The following GCC2 variants were observed in gnomAD, a reference collection of about 807,000 sequenced individuals.
GCC2 encodes GRIP and coiled-coil domain-containing protein 2.
GCC2 carries 120 observed loss-of-function variants against 210.6 expected under a neutral mutation model. The observed-to-expected ratio is 0.57, with a 90% CI of 0.49 to 0.66. The LOEUF (loss-of-function observed/expected upper bound fraction) is 0.66, where lower values mean the gene tolerates loss of function less well. GCC2 is among the 30% of genes least tolerant of loss of function. The pLI, the probability that GCC2 is intolerant of heterozygous loss-of-function variation, is 0.00. For missense variants in GCC2, 1,868 were observed against 1,871.9 expected (o/e 1.00, Z 0.04); for synonymous variants, 703 against 652.7 (o/e 1.08, Z -1.17).
intron 9 of GCC2, among the ~76,000 whole-genome samples, chr2:108,477,301 A>G (rs561268286): frequency 1.9e-4 from 29 of 152,300 alleles, no homozygotes; most frequent in Non-Finnish European, 3.8e-4. Context: ...CATAACAACA[A>G]ACAGGTGCCA....
intron 4 of GCC2, among the ~76,000 whole-genome samples, chr2:108,453,504 G>A (rs1305708820): frequency 6.6e-6 from 1 of 152,118 alleles, no homozygotes; most frequent in Non-Finnish European, 1.5e-5. Flanking sequence ...TGAGTTGCAG[G>A]CCAAATGCAG....
intron 9 of GCC2, among the ~76,000 whole-genome samples, chr2:108,478,554 AATT>A (rs1681663204): frequency 6.6e-6 from 1 of 152,222 alleles, no homozygotes; most frequent in Non-Finnish European, 1.5e-5. Context: ...AATAATTTGT[AATT>A]ATTCAGATGT....
At chr2:108,465,966 C>G (rs1319820558) in intron 4 of GCC2, among the ~76,000 whole-genome samples, 4 of 152,286 alleles carry the variant, frequency 2.6e-5, no homozygotes, top group African/African-American at 7.2e-5. Context: ...GCTGTTCTCC[C>G]TCAGTCTCCT....
chr2:108,496,993 T>C lies in GCC2; in HGVS notation c.4666T>C (p.Phe1556Leu). 1 of 1,612,026 alleles carries C rather than the reference T, an allele frequency of 6.2e-7. No individual in the cohort carries two copies. ...AGAGCCTCCATTATGGCATGCTGAA[T>C]TTACCAAAGAAGAATTGGTTCAGAA... ...KLEPPLWHAE[F>L]TKEELVQKLS... is the part of the protein sequence containing the mutation. Residue 1556 changes from phenylalanine to leucine, a missense_variant, in exon 21 of 23, where the codon TTT (phenylalanine) becomes CTT (leucine). Phe to Leu is a conservative substitution (Grantham distance 22). Around this residue, in one of 3 missense-constraint regions of GCC2, gnomAD observed 1,847 missense variants for 1,765.2 expected, o/e 1.05. Coordinates refer to ENST00000309863, the MANE Select transcript of GCC2 (RefSeq NM_181453.4).
chr2:108,459,952 A>G (rs1319868188), intron 4 of GCC2, among the ~76,000 whole-genome samples: 1 of 151,630 alleles, frequency 6.6e-6, no homozygotes, highest in Non-Finnish European at 1.5e-5. Context: ...TCCTGGGTTC[A>G]AGTGATCCTG....
intron 22 of GCC2, among the ~76,000 whole-genome samples, chr2:108,500,699 A>AT (rs1682879844): frequency 6.6e-6 from 1 of 152,308 alleles, no homozygotes; most frequent in East Asian, 1.9e-4. Context: ...AATTACTTTT[A>AT]TTTTTGACAT....
Position 108,470,951 on chromosome 2 carries a change from A to C in GCC2, c.1622A>C (p.Gln541Pro), listed in dbSNP as rs771325509. The change falls in exon 6 of 23, where the codon CAG (glutamine) becomes CCG (proline). Residue 541 changes from glutamine to proline, a missense_variant. By Grantham distance (76) the Gln-to-Pro change is moderately conservative. Coordinates refer to ENST00000309863, the MANE Select transcript of GCC2 (RefSeq NM_181453.4). ...CTTCTCGAAACTGTGAATCGCCTCC[A>C]GGGAGAAAATGAAAAGTTACTATCT... ...DALLETVNRL[Q>P]GENEKLLSQQ... The C allele has an allele frequency of 2.5e-6, 4 of 1,613,258 alleles. No homozygotes were observed. Among genetic ancestry groups the C allele is most frequent in the Non-Finnish European group, 3.4e-6 (4 of 1,179,474 alleles).
intron 9 of GCC2, among the ~76,000 whole-genome samples, chr2:108,476,614 GAA>G (rs2104464742): frequency 6.6e-6 from 1 of 152,206 alleles, no homozygotes; most frequent in Admixed American, 6.5e-5. Flanking sequence ...TTAGTAACAT[GAA>G]AATGTATTAT....
At chr2:108,459,669 G>A (rs34810244) in intron 4 of GCC2, among the ~76,000 whole-genome samples, 15,187 of 143,566 alleles carry the variant, frequency 0.11, 994 homozygotes, top group Middle Eastern at 0.18. Flanking sequence ...TCCAGTGTCA[G>A]GTTCATATAT....
At chr2:108,482,843 A>T (rs1681939743) in intron 11 of GCC2, among the ~76,000 whole-genome samples, 1 of 151,676 alleles carries the variant, frequency 6.6e-6, no homozygotes, top group Non-Finnish European at 1.5e-5. Flanking sequence ...TGCCCAGCTA[A>T]TTTTCCGTGT....
intron 4 of GCC2, among the ~76,000 whole-genome samples, chr2:108,457,545 G>T (rs2683801): frequency 6.6e-6 from 1 of 151,798 alleles, no homozygotes; most frequent in African/African-American, 2.4e-5. Context: ...TATTTTAATA[G>T]GGATTTCATT....
chr2:108,471,907 G>C lies in GCC2; in HGVS notation c.2578G>C (p.Asp860His). The C allele has an allele frequency of 6.2e-7, 1 of 1,601,890 alleles. No individual in the cohort carries two copies. Among genetic ancestry groups the C allele is most frequent in the Non-Finnish European group, 8.5e-7 (1 of 1,176,076 alleles). The part of the protein sequence containing the change: ...IQSEKEALQS[D>H]LLEMKNANEK... ...GTCAGAAAAAGAGGCCCTGCAGTCTGATCTTCTAGAAATGAAGAATGCTAA... is the reference window on the plus strand; with the variant it reads ...GTCAGAAAAAGAGGCCCTGCAGTCTCATCTTCTAGAAATGAAGAATGCTAA... The change falls in exon 6 of 23, where the codon GAT (aspartate) becomes CAT (histidine). Residue 860 changes from aspartate to histidine, a missense_variant. Physicochemically the swap from Asp to His is moderately conservative, Grantham distance 81. This residue lies in a region of GCC2 where 1,847 missense variants were observed against 1,765.2 expected (regional missense o/e 1.05). Transcript: ENST00000309863.
intron 5 of GCC2, 23 bp downstream of exon 5, chr2:108,469,107 T>C: frequency 3.6e-6 from 5 of 1,407,164 alleles, no homozygotes; most frequent in Non-Finnish European, 5.0e-6. Flanking sequence ...TTTAGTGTTC[T>C]TTTCTTTTTT....
In GCC2 at chr2:108,486,396, T is replaced by TC. The variant is rs767494733; in HGVS notation, c.3793-115_3793-114insC. 1.9e-5 allele frequency: 17 copies of TC among 914,920 alleles called. No individual in the cohort carries two copies. The Admixed American group carries it at 3.2e-4, about 17-fold the overall frequency. 56.7% of individuals were successfully genotyped at this position (914,920 alleles called of 1,614,324 possible). A position where few individuals can be genotyped will look rare whatever the true frequency, so the allele number is the denominator to read the frequency against. ...TAATACATAAAAATATTTCACTACT[T>TC]AATTATGCCTTATATGTACTTATGT... On this transcript the variant is annotated intron_variant, in intron 15 of 22. Coordinates refer to ENST00000309863, the MANE Select transcript of GCC2 (RefSeq NM_181453.4).
At chr2:108,458,374 C>CTTTTTTTTTT (rs70956257) in intron 4 of GCC2, among the ~76,000 whole-genome samples, 3 of 100,304 alleles carry the variant, frequency 3.0e-5, no homozygotes, top group Admixed American at 1.1e-4. Context: ...TTGTTGCTTT[C>CTTTTTTTTTT]TTTTTTTTTT....
chr2:108,472,946 TTC>T, intron 7 of GCC2, 47 bp downstream of exon 7: 1 of 1,102,294 alleles, frequency 9.1e-7, no homozygotes, highest in Non-Finnish European at 1.4e-6. Flanking sequence ...AGACAGATTC[TTC>T]TTAGTGTTAG....
intron 3 of GCC2, among the ~76,000 whole-genome samples, chr2:108,452,063 C>T (rs1330066734): frequency 6.6e-6 from 1 of 151,868 alleles, no homozygotes; most frequent in Admixed American, 6.6e-5. Context: ...AGGCTGTTCT[C>T]GATAACGTTT....
intron 7 of GCC2, among the ~76,000 whole-genome samples, chr2:108,474,136 C>A (rs973175521): frequency 1.3e-5 from 2 of 151,838 alleles, no homozygotes; most frequent in Admixed American, 1.3e-4. Context: ...CCAGCCTGGG[C>A]GACAGAGGGA....
intron 17 of GCC2, 65 bp from the exon 18 acceptor site, chr2:108,489,772 AT>A: frequency 8.9e-7 from 1 of 1,125,154 alleles, no homozygotes; most frequent in Non-Finnish European, 1.3e-6. Context: ...GTTAAACTAT[AT>A]TTAAAACCAC....
Sources: allele counts gnomAD v4.1 joint callset (sites outside exome capture counted in the v4.1 genomes callset), GRCh38; gene constraint gnomAD v4.1.1; regional missense constraint gnomAD v4.1.1; transcripts MANE v1.5; gene names NCBI Gene and HGNC (gene_info 2026-07-23, HGNC 2026-07-21).